The following RBFOX1 variants were observed in gnomAD, a reference collection of about 807,000 sequenced individuals.
The protein encoded by RBFOX1 is RNA binding fox-1 homolog 1, also known as RNA binding protein fox-1 homolog 1.
A neutral mutation model predicts 57.7 loss-of-function variants in RBFOX1; 8 were observed. That is an observed-to-expected ratio of 0.14 (90% CI 0.08 to 0.25). The LOEUF (loss-of-function observed/expected upper bound fraction) is 0.25. RBFOX1 is among the 10% of genes least tolerant of loss of function. RBFOX1 has a pLI of 1.00. For missense variants in RBFOX1, 611 were observed against 548.5 expected, an observed-to-expected ratio of 1.11 and a Z score of -1.14; for synonymous variants, 326 against 222.4, an observed-to-expected ratio of 1.47 and a Z score of -4.15.
At chr16:5,700,079 G>A (rs775406759) in intron 3 of RBFOX1, among the ~76,000 whole-genome samples, 21 of 152,116 alleles carry the variant, frequency 1.4e-4, no homozygotes, top group East Asian at 1.9e-4. Flanking sequence ...TGATCTGCCC[G>A]CCTTGGCCTC....
chr16:7,393,683 A>T (rs117229331), intron 4 of RBFOX1, among the ~76,000 whole-genome samples: 1 of 152,018 alleles, frequency 6.6e-6, no homozygotes, highest in Non-Finnish European at 1.5e-5. Context: ...TGTGCCAAGG[A>T]TTATTTCACT....
intron 3 of RBFOX1, among the ~76,000 whole-genome samples, chr16:5,645,571 C>T (rs2049026585): frequency 6.6e-6 from 1 of 152,208 alleles, no homozygotes; most frequent in African/African-American, 2.4e-5. Flanking sequence ...ATGAATTTTG[C>T]TTCAATTAAA....
Position 5,968,352 on chromosome 16 carries a change from G to A in RBFOX1, c.351+101017G>A, listed in dbSNP as rs571817796. 1.2e-4 allele frequency among the ~76,000 whole-genome samples: 19 copies of A among 152,218 alleles called. No homozygotes were observed. The South Asian group carries it at 2.5e-3, about 20-fold the overall frequency. On this transcript the variant is annotated intron_variant, in intron 4 of 19. Transcript: ENST00000641259. The stretch of plus-strand genomic sequence containing the variant: ...AGCCTCCCCAAGTGCTGGGATTACC[G>A]GTGTGAGCCACTGCCCTGGCCTCTC...
intron 4 of RBFOX1, among the ~76,000 whole-genome samples, chr16:5,881,785 T>G (rs1414998759): frequency 6.6e-5 from 10 of 152,222 alleles, no homozygotes; most frequent in Non-Finnish European, 1.3e-4. Context: ...TTTCACTTAA[T>G]TCTGCTAGAT....
At chr16:6,375,175 A>C (rs2091002904) in intron 2 of RBFOX1, among the ~76,000 whole-genome samples, 4 of 152,186 alleles carry the variant, frequency 2.6e-5, no homozygotes, top group Admixed American at 2.6e-4. Context: ...TTCTGTTGCC[A>C]AAACACCAAC....
chr16:6,382,759 C>G (rs2091931245), intron 2 of RBFOX1, among the ~76,000 whole-genome samples: 1 of 152,124 alleles, frequency 6.6e-6, no homozygotes, highest in Non-Finnish European at 1.5e-5. Context: ...ACTTGGGAGG[C>G]TGAGGCAGGA....
intron 1 of RBFOX1, among the ~76,000 whole-genome samples, chr16:6,234,636 G>T (rs930486997): frequency 6.6e-6 from 1 of 152,138 alleles, no homozygotes; most frequent in Non-Finnish European, 1.5e-5. Context: ...TTTTTATCTG[G>T]GTGACTCAGT....
At chr16:7,083,815 C>T (rs1028470515) in intron 4 of RBFOX1, among the ~76,000 whole-genome samples, 1 of 152,138 alleles carries the variant, frequency 6.6e-6, no homozygotes, top group Non-Finnish European at 1.5e-5. Context: ...CATTTGCTTT[C>T]AGGTACACAT....
At chr16:6,735,703 G>C (rs1054028809) in intron 3 of RBFOX1, among the ~76,000 whole-genome samples, 1 of 152,096 alleles carries the variant, frequency 6.6e-6, no homozygotes. Context: ...ATTTCCCCTA[G>C]AAACTGAATT....
chr16:5,713,558 G>A (rs2051573413), intron 3 of RBFOX1, among the ~76,000 whole-genome samples: 1 of 152,102 alleles, frequency 6.6e-6, no homozygotes, highest in African/African-American at 2.4e-5. Flanking sequence ...CCTCTTTTAA[G>A]GTTCTAAAAG....
At chr16:6,584,124 C>T (rs1006744590) in intron 2 of RBFOX1, among the ~76,000 whole-genome samples, 1 of 151,750 alleles carries the variant, frequency 6.6e-6, no homozygotes, top group Non-Finnish European at 1.5e-5. Flanking sequence ...TCAGAGTCTC[C>T]TAATGTATTC....
At chr16:6,749,580 C>T (rs773719664) in intron 3 of RBFOX1, among the ~76,000 whole-genome samples, 1 of 152,160 alleles carries the variant, frequency 6.6e-6, no homozygotes, top group African/African-American at 2.4e-5. Context: ...TTCAAAGCTC[C>T]TTCTCTTTTC....
At chr16:6,891,351 C>G (rs879366379) in intron 3 of RBFOX1, among the ~76,000 whole-genome samples, 1 of 152,034 alleles carries the variant, frequency 6.6e-6, no homozygotes, top group African/African-American at 2.4e-5. Context: ...ACTTGCCCAT[C>G]GATATAAGAT....
chr16:5,250,131 CA>C (rs57722756), intron 1 of RBFOX1, among the ~76,000 whole-genome samples: 32 of 141,754 alleles, frequency 2.3e-4, no homozygotes, highest in Middle Eastern at 3.6e-3. Flanking sequence ...TGTGTCTCAA[CA>C]AAAAAAAAAA....
intron 3 of RBFOX1, among the ~76,000 whole-genome samples, chr16:5,748,906 T>C (rs2053085869): frequency 6.6e-6 from 1 of 152,216 alleles, no homozygotes; most frequent in African/African-American, 2.4e-5. Flanking sequence ...AATTTGTTCC[T>C]GTCATTATGA....
In RBFOX1 at chr16:5,263,143, C is replaced by T. The variant is rs144177538; in HGVS notation, c.219+23038C>T. 4.3e-3 allele frequency among the ~76,000 whole-genome samples: 646 copies of T among 151,846 alleles called. 3 individuals carry two copies. The highest frequency in any genetic ancestry group is 0.015 in the African/African-American group (607 of 41,344). On this transcript the variant is annotated intron_variant, in intron 1 of 2. Transcript: ENST00000585867. Reference sequence around the variant, plus strand: ...CTAATTGGGCTTCTGCTATTCTAGCCGAGAAAGGTGGGGAATGGACTTCCA... The same window carrying T: ...CTAATTGGGCTTCTGCTATTCTAGCTGAGAAAGGTGGGGAATGGACTTCCA...
intron 1 of RBFOX1, among the ~76,000 whole-genome samples, chr16:5,376,073 C>T (rs1013116306): frequency 6.6e-6 from 1 of 151,046 alleles, no homozygotes; most frequent in African/African-American, 2.4e-5. Context: ...GAGGCTGAGG[C>T]AGGAGAATTG....
At chr16:6,329,351 CTG>C (rs771219794) in intron 2 of RBFOX1, among the ~76,000 whole-genome samples, 2 of 152,256 alleles carry the variant, frequency 1.3e-5, no homozygotes, top group East Asian at 3.9e-4. Flanking sequence ...GATGAGAAAA[CTG>C]GAACTGGAAG....
At chr16:7,029,720 G>A (rs2042304501) in intron 3 of RBFOX1, among the ~76,000 whole-genome samples, 1 of 152,152 alleles carries the variant, frequency 6.6e-6, no homozygotes, top group Non-Finnish European at 1.5e-5. Flanking sequence ...TAGGGTGGTA[G>A]CATCTCATGG....
Sources: allele counts gnomAD v4.1 joint callset (sites outside exome capture counted in the v4.1 genomes callset), GRCh38; gene constraint gnomAD v4.1.1; transcripts MANE v1.5; gene names NCBI Gene and HGNC (gene_info 2026-07-23, HGNC 2026-07-21).